The following ADAMTSL1 variants were observed in gnomAD, a reference collection of about 807,000 sequenced individuals.
ADAMTSL1 encodes the protein ADAMTS like 1.
ADAMTSL1 carries 126 observed loss-of-function variants against 201.8 expected under a neutral mutation model. That is an observed-to-expected ratio of 0.62 (90% CI 0.54 to 0.72). The LOEUF is 0.72. Ranked by LOEUF, ADAMTSL1 falls within the 30% of genes least tolerant of loss-of-function variation. The pLI is 0.00. For missense variants in ADAMTSL1, 2,679 were observed against 2,277.8 expected (o/e 1.18, Z -3.59); for synonymous variants, 1,121 against 903.4 (o/e 1.24, Z -4.32).
chr9:18,735,743 T>TTTTTTCTTTTC (rs141660232), intron 15 of ADAMTSL1, among the ~76,000 whole-genome samples: 36,751 of 127,078 alleles, frequency 0.29, 4,944 homozygotes, highest in African/African-American at 0.36. Context: ...ACGGCATTCT[T>TTTTTTCTTTTC]TTTTCTTTTT....
intron 20 of ADAMTSL1, among the ~76,000 whole-genome samples, chr9:18,808,563 A>T (rs1313175478): frequency 6.6e-6 from 1 of 152,216 alleles, no homozygotes; most frequent in Non-Finnish European, 1.5e-5. Flanking sequence ...ATACACTTGC[A>T]GCTATAAAAA....
intron 2 of ADAMTSL1, among the ~76,000 whole-genome samples, chr9:18,403,917 G>A (rs779760428): frequency 6.6e-6 from 1 of 152,110 alleles, no homozygotes; most frequent in Non-Finnish European, 1.5e-5. Flanking sequence ...GGGAGGGCAG[G>A]GGTTATAGTG....
chr9:18,289,964 G>A (rs1587480350), intron 2 of ADAMTSL1, among the ~76,000 whole-genome samples: 2 of 152,238 alleles, frequency 1.3e-5, no homozygotes, highest in South Asian at 4.1e-4. Flanking sequence ...GTGTGTTATG[G>A]CAAATGGAGA....
At chr9:18,590,431 G>T (rs1587655598) in intron 4 of ADAMTSL1, among the ~76,000 whole-genome samples, 1 of 151,524 alleles carries the variant, frequency 6.6e-6, no homozygotes. Context: ...CTAACTAATG[G>T]TTTGTTGATG....
chr9:18,123,916 A>G (rs1298743145), intron 1 of ADAMTSL1, among the ~76,000 whole-genome samples: 1 of 152,096 alleles, frequency 6.6e-6, no homozygotes, highest in Non-Finnish European at 1.5e-5. Context: ...CCTACCAGCA[A>G]TCTATGAAGT....
intron 2 of ADAMTSL1, among the ~76,000 whole-genome samples, chr9:18,429,629 T>G (rs1819392983): frequency 6.6e-6 from 1 of 152,174 alleles, no homozygotes; most frequent in Non-Finnish European, 1.5e-5. Flanking sequence ...AGCATTAATT[T>G]TATTCATTAG....
intron 7 of ADAMTSL1, among the ~76,000 whole-genome samples, chr9:18,652,303 C>T (rs570705097): frequency 1.5e-3 from 211 of 138,594 alleles, no homozygotes; most frequent in African/African-American, 5.4e-3. Flanking sequence ...ATCCAGGAGG[C>T]GGAGGTTACA....
chr9:18,707,193 C>T, intron 14 of ADAMTSL1, 145 bp downstream of exon 14: 1 of 1,082,436 alleles, frequency 9.2e-7, no homozygotes, highest in South Asian at 1.7e-5. Flanking sequence ...ATGTAAAGCA[C>T]ACTGAATCAA....
Position 18,770,635 on chromosome 9 carries a change from C to T in ADAMTSL1, c.2251C>T (p.Arg751Cys), listed in dbSNP as rs756414844. The T allele has an allele frequency of 6.2e-6, 10 of 1,613,068 alleles. No individual in the cohort carries two copies. The highest frequency in any genetic ancestry group is 5.3e-5 in the African/African-American group (4 of 74,834). Residue 751 changes from arginine to cysteine, a missense_variant, in exon 17 of 29, where the codon CGT (arginine) becomes TGT (cysteine). By Grantham distance (180) the Arg-to-Cys change is radical (BLOSUM62 -3). Coordinates refer to ENST00000380548, the MANE Select transcript of ADAMTSL1 (RefSeq NM_001040272.6). ...SRTCGGGVQK[R>C]EVLCKQRMAD... is the part of the protein sequence containing the mutation. ...AACGTGTGGCGGGGGTGTTCAGAAA[C>T]GTGAGGTTCTTTGCAAGCAGCGCAT...
At chr9:18,003,419 G>A (rs1819691805) in intron 1 of ADAMTSL1, among the ~76,000 whole-genome samples, 1 of 152,076 alleles carries the variant, frequency 6.6e-6, no homozygotes, top group Admixed American at 6.6e-5. Context: ...TGTGAATGTG[G>A]TGAAAGGAAT....
At chr9:18,854,679 A>G (rs1299616199) in intron 23 of ADAMTSL1, among the ~76,000 whole-genome samples, 2 of 152,206 alleles carry the variant, frequency 1.3e-5, no homozygotes, top group Non-Finnish European at 2.9e-5. Flanking sequence ...AGAGAAAACG[A>G]AAGAAAGAGA....
intron 16 of ADAMTSL1, among the ~76,000 whole-genome samples, chr9:18,765,641 A>G (rs1353903185): frequency 6.6e-6 from 1 of 152,232 alleles, no homozygotes; most frequent in Admixed American, 6.5e-5. Flanking sequence ...GAGCATGTGT[A>G]AGAAAGAAAA....
rs1231860746 is a variant in ADAMTSL1 at position 18,152,439 on chromosome 9, A to G, written c.88-11423A>G. Among the ~76,000 whole-genome samples, 3 of 152,074 alleles carry G rather than the reference A, an allele frequency of 2.0e-5. No individual in the cohort carries two copies. The East Asian group carries it at 5.8e-4, about 29-fold the overall frequency. ...GCATGGATTTGGGAATCATCTGCCT[A>G]AAAGAGATGGCTGACTCACTGAGAG... On this transcript the variant is annotated intron_variant, in intron 1 of 29. Transcript: ENST00000680146.
intron 1 of ADAMTSL1, among the ~76,000 whole-genome samples, chr9:18,147,872 T>A (rs2132031300): frequency 6.6e-6 from 1 of 152,280 alleles, no homozygotes; most frequent in African/African-American, 2.4e-5. Context: ...TCTCTACAGT[T>A]GCACAGCATG....
chr9:18,395,521 T>C lies in ADAMTSL1; in HGVS notation c.208-109308T>C, dbSNP rs184050979. Among the ~76,000 whole-genome samples the C allele has an allele frequency of 9.8e-5, 15 of 152,330 alleles. No individual in the cohort carries two copies. In the East Asian group the frequency reaches 2.5e-3, roughly 25 times the overall value. ...AAGCCTTGAGGATTTGCACTTTGTA[T>C]GACATAATGGAAACAGACCCATTTT... On this transcript the variant is annotated intron_variant, in intron 2 of 29. Transcript: ENST00000680146.
At chr9:18,240,319 A>G (rs1202026180) in intron 2 of ADAMTSL1, among the ~76,000 whole-genome samples, 1 of 150,298 alleles carries the variant, frequency 6.7e-6, no homozygotes, top group African/African-American at 2.5e-5. Flanking sequence ...TTGTTAATGA[A>G]CAGTAATGTT....
At chr9:18,447,477 G>C (rs897806010) in intron 2 of ADAMTSL1, among the ~76,000 whole-genome samples, 1 of 152,110 alleles carries the variant, frequency 6.6e-6, no homozygotes. Context: ...AAGAGGGAGG[G>C]AGGGAGACTT....
chr9:18,483,951 G>A (rs1821859334), intron 1 of ADAMTSL1, among the ~76,000 whole-genome samples: 1 of 152,212 alleles, frequency 6.6e-6, no homozygotes, highest in Non-Finnish European at 1.5e-5. Flanking sequence ...CTAGAGTTAT[G>A]TCATACCAAT....
intron 13 of ADAMTSL1, among the ~76,000 whole-genome samples, chr9:18,688,184 C>G (rs1052634652): frequency 6.6e-6 from 1 of 151,216 alleles, no homozygotes; most frequent in Admixed American, 6.6e-5. Flanking sequence ...AATGCAATGG[C>G]GTGATCTCGG....
Sources: gnomAD v4.1 joint callset for allele counts (sites outside exome capture counted in the v4.1 genomes callset) on GRCh38, gnomAD v4.1.1 for gene constraint, MANE v1.5 for transcripts, NCBI Gene and HGNC (gene_info 2026-07-23, HGNC 2026-07-21) for gene names.